The following STT3B variants were observed in gnomAD, a reference collection of about 807,000 sequenced individuals.
STT3B encodes dolichyl-diphosphooligosaccharide--protein glycosyltransferase subunit STT3B.
Under a neutral mutation model 96.8 loss-of-function variants are expected in STT3B, and 29 were observed. The ratio of observed to expected loss-of-function variants is 0.30; its 90% CI spans 0.22 to 0.41. The LOEUF (loss-of-function observed/expected upper bound fraction) is 0.41, where lower values mean the gene tolerates loss of function less well. Ranked by LOEUF, STT3B falls within the 10% of genes least tolerant of loss-of-function variation. STT3B has a pLI of 1.00. For missense variants in STT3B, 640 were observed against 1,022.3 expected, an observed-to-expected ratio of 0.63 and a Z score of 5.10; for synonymous variants, 367 against 360.0, an observed-to-expected ratio of 1.02 and a Z score of -0.22.
At chr3:31,616,805 A>T in intron 6 of STT3B, 124 bp from the exon 7 acceptor site, 1 of 725,162 alleles carries the variant, frequency 1.4e-6, no homozygotes, top group Non-Finnish European at 2.1e-6. Flanking sequence ...AATGTTGGCT[A>T]GATGAAATAA....
At chr3:31,561,184 A>T (rs1697868837) in intron 1 of STT3B, among the ~76,000 whole-genome samples, 2 of 151,628 alleles carry the variant, frequency 1.3e-5, no homozygotes, top group South Asian at 4.2e-4. Context: ...GTTTTTCAGA[A>T]TTCTCTTGTA....
chr3:31,615,121 C>T lies in STT3B; in HGVS notation c.894C>T (p.Tyr298=), dbSNP rs1481700041. Residue 298 remains tyrosine, a synonymous_variant, in exon 6 of 16, where the codon TAC becomes TAT. Coordinates refer to ENST00000295770, the MANE Select transcript of STT3B (RefSeq NM_178862.3). ...TCTTTATAGCATATAGCACTTTCTA[C>T]ATTGTGGGTTTAATATTATCAATGC... ...KRVYIAYSTF[Y]IVGLILSMQI... is the part of the protein sequence containing the mutation. 3 of 1,608,472 alleles carry T rather than the reference C, an allele frequency of 1.9e-6. No individual in the cohort carries two copies. The highest frequency in any genetic ancestry group is 2.2e-5 in the South Asian group (2 of 90,504).
At chr3:31,608,106 A>G (rs142488378) in intron 5 of STT3B, among the ~76,000 whole-genome samples, 393 of 152,246 alleles carry the variant, frequency 2.6e-3, no homozygotes, top group Non-Finnish European at 4.4e-3. Flanking sequence ...TACAGATGCA[A>G]TATTATTATT....
intron 6 of STT3B, among the ~76,000 whole-genome samples, chr3:31,616,241 C>G (rs1699305119): frequency 6.6e-6 from 1 of 151,866 alleles, no homozygotes; most frequent in Non-Finnish European, 1.5e-5. Context: ...CTTGGTGTCT[C>G]TGTGTCTTCA....
intron 1 of STT3B, among the ~76,000 whole-genome samples, chr3:31,534,136 C>T (rs1697024502): frequency 6.6e-6 from 1 of 152,126 alleles, no homozygotes; most frequent in South Asian, 2.1e-4. Context: ...GTGTTATGCA[C>T]AGTATCTGAA....
rs1302405546 is a variant in STT3B, at chr3:31,604,808, C to A, written c.877+4349C>A. 2.0e-5 allele frequency among the ~76,000 whole-genome samples: 3 copies of A among 152,040 alleles called. No homozygotes were observed. The East Asian group carries it at 5.8e-4, about 29-fold the overall frequency. On this transcript the variant is annotated intron_variant, in intron 5 of 15. Transcript: ENST00000295770. ...AGACTTAGAATTTGTGGTAATGTAA[C>A]CATAAATAAAAGGTGCCATGACATT...
chr3:31,617,326 CCT>C (rs1163456335), intron 7 of STT3B, among the ~76,000 whole-genome samples: 3 of 151,310 alleles, frequency 2.0e-5, no homozygotes, highest in African/African-American at 7.3e-5. Flanking sequence ...CTGTTATTTA[CCT>C]GTTATATGCT....
chr3:31,587,553 A>G (rs374601689), intron 3 of STT3B, among the ~76,000 whole-genome samples: 38 of 152,064 alleles, frequency 2.5e-4, no homozygotes, highest in African/African-American at 9.2e-4. Flanking sequence ...TTCACTTACA[A>G]TAGTATTTTC....
chr3:31,594,323 C>T (rs1330363308), intron 3 of STT3B, among the ~76,000 whole-genome samples: 9 of 152,048 alleles, frequency 5.9e-5, no homozygotes, highest in African/African-American at 2.2e-4. Flanking sequence ...AGGTTGAGGG[C>T]CTGTCCCCAA....
chr3:31,636,301 ATT>A lies in STT3B; in HGVS notation c.*246_*247del. 6.3e-6 allele frequency: 2 copies of A among 318,048 alleles called. No individual in the cohort carries two copies. The highest frequency in any genetic ancestry group is 5.0e-5 in the Admixed American group (1 of 19,846). 19.7% of individuals were successfully genotyped at this position (318,048 alleles called of 1,614,324 possible). On this transcript the variant is annotated 3_prime_UTR_variant, in exon 16 of 16. Transcript: ENST00000295770. Reference sequence around the variant, plus strand: ...CACTGCTGTAAATGTCTAGCAGCAGATTTTTTTTTTATTGGTACATATTATCC... The same window carrying A: ...CACTGCTGTAAATGTCTAGCAGCAGATTTTTTTTATTGGTACATATTATCC...
At chr3:31,544,091 ATTAG>A (rs1436162416) in intron 1 of STT3B, among the ~76,000 whole-genome samples, 13 of 152,222 alleles carry the variant, frequency 8.5e-5, no homozygotes, top group African/African-American at 1.9e-4. Flanking sequence ...ATACATAGGC[ATTAG>A]TTAGAATATA....
chr3:31,543,663 T>C (rs1697335444), intron 1 of STT3B, among the ~76,000 whole-genome samples: 1 of 152,240 alleles, frequency 6.6e-6, no homozygotes, highest in South Asian at 2.1e-4. Context: ...TGTCATATTA[T>C]TCTTTATAGA....
At position 31,600,534 on chromosome 3, in the gene STT3B, C is replaced by A. The variant is rs1054311612; in HGVS notation, c.877+75C>A. ...CATTCATTTTATTGAAGAGATATTTCTATTTGGTCAATATTATGCATGAAA... is the reference window on the plus strand; with the variant it reads ...CATTCATTTTATTGAAGAGATATTTATATTTGGTCAATATTATGCATGAAA... On this transcript the variant is annotated intron_variant, in intron 5 of 15. Transcript: ENST00000295770. 1.1e-4 allele frequency: 73 copies of A among 694,778 alleles called. 4 individuals carry two copies. The South Asian group carries it at 1.6e-3, about 15-fold the overall frequency. 43.0% of individuals were successfully genotyped at this position (694,778 alleles called of 1,614,324 possible). A position where few individuals can be genotyped will look rare whatever the true frequency, so the allele number is the denominator to read the frequency against.
At chr3:31,625,928 T>C (rs1188952434) in intron 12 of STT3B, 26 bp from the exon 13 acceptor site, 1 of 1,552,394 alleles carries the variant, frequency 6.4e-7, no homozygotes, top group South Asian at 1.2e-5. Context: ...ATCAAAAACA[T>C]TCTCATTTTT....
chr3:31,604,076 A>G (rs917477344), intron 5 of STT3B, among the ~76,000 whole-genome samples: 2 of 152,144 alleles, frequency 1.3e-5, no homozygotes, highest in African/African-American at 2.4e-5. Context: ...ATATTGATGA[A>G]TGCTTTTGAA....
At chr3:31,575,338 A>G (rs1372602624) in intron 1 of STT3B, among the ~76,000 whole-genome samples, 1 of 152,092 alleles carries the variant, frequency 6.6e-6, no homozygotes. Context: ...CAGAGTTAAT[A>G]TAACTCTGGG....
At position 31,579,983 on chromosome 3, in the gene STT3B, T is replaced by C. The variant is rs371022056; in HGVS notation, c.598T>C (p.Leu200=). The C allele has an allele frequency of 6.8e-6, 11 of 1,613,812 alleles. 1 individual carries two copies. Among genetic ancestry groups the C allele is most frequent in the Middle Eastern group, 1.6e-4 (1 of 6,080 alleles). The change falls in exon 3 of 16, where the codon TTA becomes CTA. Residue 200 remains leucine (L), a synonymous_variant. Transcript: ENST00000295770. ...RELWNQGAGL[L]AACFIAIVPG... is the part of the protein sequence containing the mutation. ...ACTTTGGAACCAAGGAGCAGGACTT[T>C]TAGCTGCTTGTTTTATTGCTATTGT...
At chr3:31,628,345 T>C (rs547983080) in intron 13 of STT3B, among the ~76,000 whole-genome samples, 4 of 152,354 alleles carry the variant, frequency 2.6e-5, no homozygotes, top group South Asian at 2.1e-4. Flanking sequence ...CATGTTAGAA[T>C]ATGGAGAACT....
Position 31,600,444 on chromosome 3 carries a change from A to G in STT3B, c.862A>G (p.Lys288Glu), listed in dbSNP as rs1455448701. The change falls in exon 5 of 16, where the codon AAA (lysine) becomes GAA (glutamate). Residue 288 changes from lysine to glutamate, a missense_variant. Around this residue, in one of 8 missense-constraint regions of STT3B, gnomAD observed 267 missense variants for 388.3 expected, o/e 0.69. Coordinates refer to ENST00000295770, the MANE Select transcript of STT3B (RefSeq NM_178862.3). ...GTTGTTACTGATGCAGAGATACAGC[A>G]AAAGAGTCTACATAGGTAAGTAATT... ...FVLLLMQRYS[K>E]RVYIAYSTFY... 6.5e-6 allele frequency: 10 copies of G among 1,550,066 alleles called. No homozygotes were observed. Among genetic ancestry groups the G allele is most frequent in the Admixed American group, 3.4e-5 (2 of 58,954 alleles).
Sources: gnomAD v4.1 joint callset for allele counts (sites outside exome capture counted in the v4.1 genomes callset) on GRCh38, gnomAD v4.1.1 for gene constraint, gnomAD v4.1.1 regional missense constraint, MANE v1.5 for transcripts, NCBI Gene and HGNC (gene_info 2026-07-23, HGNC 2026-07-21) for gene names.